Variants in EGFLAM observed in about 807,000 individuals in gnomAD.
The protein encoded by EGFLAM is EGF like, fibronectin type III and laminin G domains, also known as pikachurin.
In EGFLAM, 79 loss-of-function variants were observed where a neutral mutation model predicts 113.1. The ratio of observed to expected loss-of-function variants is 0.70; its 90% CI spans 0.58 to 0.84. The LOEUF is 0.84. Ranked by LOEUF, EGFLAM falls within the 40% of genes least tolerant of loss-of-function variation. The pLI is 0.00. For synonymous variants in EGFLAM, 504 were observed against 487.6 expected, an observed-to-expected ratio of 1.03 and a Z score of -0.44; for missense variants, 1,265 against 1,291.6, an observed-to-expected ratio of 0.98 and a Z score of 0.32.
intron 1 of EGFLAM, among the ~76,000 whole-genome samples, chr5:38,273,442 G>A (rs888453854): frequency 1.3e-5 from 2 of 152,264 alleles, no homozygotes; most frequent in African/African-American, 4.8e-5. Flanking sequence ...GTGACAGGAA[G>A]GCCTCAGAAG....
chr5:38,324,389 C>A (rs1030903791), intron 1 of EGFLAM, among the ~76,000 whole-genome samples: 4 of 152,212 alleles, frequency 2.6e-5, no homozygotes, highest in African/African-American at 9.6e-5. Flanking sequence ...CCCCTCCACA[C>A]ATACCCCAAT....
At chr5:38,433,335 A>T (rs1561090306) in intron 15 of EGFLAM, among the ~76,000 whole-genome samples, 2 of 152,232 alleles carry the variant, frequency 1.3e-5, no homozygotes, top group African/African-American at 4.8e-5. Flanking sequence ...TATGCAAGAC[A>T]CGTGGAAGAG....
At chr5:38,357,872 T>A (rs1324415188) in intron 5 of EGFLAM, among the ~76,000 whole-genome samples, 3 of 151,846 alleles carry the variant, frequency 2.0e-5, no homozygotes, top group Non-Finnish European at 2.9e-5. Context: ...TTCTTTTTTT[T>A]TTTTTTTTGA....
At chr5:38,377,488 A>G (rs578116896) in intron 6 of EGFLAM, among the ~76,000 whole-genome samples, 3 of 152,170 alleles carry the variant, frequency 2.0e-5, no homozygotes, top group East Asian at 1.9e-4. Flanking sequence ...TCTGCGCTCA[A>G]TAAGTATTTA....
chr5:38,418,083 T>C lies in EGFLAM; in HGVS notation c.1512T>C (p.Ile504=). ...TGQSQGQYSK[I]TFRTPLYLGG... is the part of the protein sequence containing the mutation. ...TCTTAAAGGGCCAATACAGTAAAAT[T>C]ACTTTCCGGACACCTCTCTATCTTG... Residue 504 remains isoleucine, a synonymous_variant, in exon 12 of 22, where the codon ATT becomes ATC. Coordinates refer to ENST00000322350, the MANE Select transcript of EGFLAM (RefSeq NM_152403.4). 6.2e-7 allele frequency: 1 copy of C among 1,613,928 alleles called. No homozygotes were observed. The highest frequency in any genetic ancestry group is 1.3e-5 in the African/African-American group (1 of 75,032).
chr5:38,442,479 T>G (rs1190842217), intron 17 of EGFLAM, among the ~76,000 whole-genome samples: 1 of 150,598 alleles, frequency 6.6e-6, no homozygotes, highest in Non-Finnish European at 1.5e-5. Context: ...TCATTTCAAA[T>G]TAATTGGAAA....
intron 1 of EGFLAM, among the ~76,000 whole-genome samples, chr5:38,268,318 A>C (rs1368467068): frequency 6.6e-6 from 1 of 152,116 alleles, no homozygotes; most frequent in African/African-American, 2.4e-5. Flanking sequence ...TGAAGACTCA[A>C]GTCATTCTGT....
chr5:38,358,921 C>T (rs1420754844), intron 5 of EGFLAM, among the ~76,000 whole-genome samples: 3 of 152,056 alleles, frequency 2.0e-5, no homozygotes, highest in Non-Finnish European at 2.9e-5. Flanking sequence ...AACACAAAAG[C>T]CATGTGTTTG....
At chr5:38,434,807 A>T (rs1579926930) in intron 15 of EGFLAM, among the ~76,000 whole-genome samples, 1 of 152,228 alleles carries the variant, frequency 6.6e-6, no homozygotes, top group East Asian at 1.9e-4. Flanking sequence ...GGTTGGAGGC[A>T]ATCTTCCTGT....
At chr5:38,315,813 T>C (rs888168552) in intron 1 of EGFLAM, among the ~76,000 whole-genome samples, 1 of 152,150 alleles carries the variant, frequency 6.6e-6, no homozygotes, top group African/African-American at 2.4e-5. Context: ...TGGTGGCTCA[T>C]GTCTGTAATT....
At chr5:38,409,372 C>A (rs912001406) in intron 10 of EGFLAM, among the ~76,000 whole-genome samples, 30 of 151,970 alleles carry the variant, frequency 2.0e-4, no homozygotes, top group Non-Finnish European at 2.5e-4. Flanking sequence ...TGTACCTGGT[C>A]CTGGGGATGC....
In EGFLAM at chr5:38,427,183, T is replaced by G. The variant is rs1248544107; in HGVS notation, c.1985T>G (p.Leu662Arg). The G allele has an allele frequency of 6.2e-7, 1 of 1,614,204 alleles. No homozygotes were observed. Among genetic ancestry groups the G allele is most frequent in the South Asian group, 1.1e-5 (1 of 91,088 alleles). ...YSYDTGSKDF[L>R]SINLAGGHVE... ...TATGACACAGGCAGCAAAGACTTCC[T>G]GTCCATCAACTTGGCAGGGGGCCAC... Residue 662 changes from leucine (L) to arginine (R), a missense_variant, in exon 14 of 22, where the codon CTG becomes CGG. Physicochemically the swap from Leu to Arg is moderately radical, Grantham distance 102. Coordinates refer to ENST00000322350, the MANE Select transcript of EGFLAM (RefSeq NM_152403.4).
At chr5:38,404,920 G>C (rs1741232362) in intron 6 of EGFLAM, among the ~76,000 whole-genome samples, 2 of 152,214 alleles carry the variant, frequency 1.3e-5, no homozygotes, top group African/African-American at 4.8e-5. Flanking sequence ...CTGTGGATCA[G>C]TGGATTCTGC....
chr5:38,335,257 C>T (rs1023212475), intron 1 of EGFLAM, among the ~76,000 whole-genome samples: 2 of 152,170 alleles, frequency 1.3e-5, no homozygotes, highest in Non-Finnish European at 2.9e-5. Flanking sequence ...AACACTGGCA[C>T]ATGTGTGCAA....
chr5:38,377,492 G>A (rs1048678578), intron 6 of EGFLAM, among the ~76,000 whole-genome samples: 1 of 152,146 alleles, frequency 6.6e-6, no homozygotes, highest in Non-Finnish European at 1.5e-5. Context: ...CGCTCAATAA[G>A]TATTTATTGA....
At chr5:38,373,913 G>T (rs1740296021) in intron 6 of EGFLAM, among the ~76,000 whole-genome samples, 1 of 152,114 alleles carries the variant, frequency 6.6e-6, no homozygotes, top group African/African-American at 2.4e-5. Context: ...CCACAGTCAT[G>T]CCGACATCTG....
intron 1 of EGFLAM, among the ~76,000 whole-genome samples, chr5:38,326,102 C>T (rs753277471): frequency 6.6e-6 from 1 of 152,132 alleles, no homozygotes; most frequent in African/African-American, 2.4e-5. Context: ...CCGCTCAGAA[C>T]CTTCATGAGG....
intron 1 of EGFLAM, among the ~76,000 whole-genome samples, chr5:38,332,871 C>T (rs907257950): frequency 6.6e-5 from 10 of 152,170 alleles, no homozygotes; most frequent in African/African-American, 1.9e-4. Context: ...CTTCAGTGTG[C>T]GCGTCATAGC....
intron 14 of EGFLAM, 80 bp downstream of exon 14, chr5:38,427,332 T>C: frequency 6.4e-7 from 1 of 1,563,716 alleles, no homozygotes; most frequent in Non-Finnish European, 8.6e-7. Flanking sequence ...AAATCGCCAT[T>C]CAACAGCTCA....
Sources: gnomAD v4.1 joint callset for allele counts (sites outside exome capture counted in the v4.1 genomes callset) on GRCh38, gnomAD v4.1.1 for gene constraint, MANE v1.5 for transcripts, NCBI Gene and HGNC (gene_info 2026-07-23, HGNC 2026-07-21) for gene names.